KDM7A: variants seen among roughly 807,000 people sequenced by gnomAD.
The protein encoded by KDM7A is lysine-specific demethylase 7A.
Under a neutral mutation model 114.8 loss-of-function variants are expected in KDM7A, and 28 were observed. That is an observed-to-expected ratio of 0.24 (90% CI 0.18 to 0.33). The LOEUF (loss-of-function observed/expected upper bound fraction) is 0.33. Among genes scored for constraint, KDM7A ranks in the 10% least tolerant of loss-of-function variants. The pLI is 1.00. For synonymous variants in KDM7A, 423 were observed against 397.8 expected, an observed-to-expected ratio of 1.06 and a Z score of -0.75; for missense variants, 942 against 1,142.5, an observed-to-expected ratio of 0.82 and a Z score of 2.53.
rs571940242 is a variant in KDM7A, at chr7:140,122,923, T to C, written c.1051+1698A>G. Reference sequence around the variant, plus strand: ...GGATATTATCAAGAAAGTGAGCAGATAACCCACAAAATGGGAGCAAATTAT... The same window carrying C: ...GGATATTATCAAGAAAGTGAGCAGACAACCCACAAAATGGGAGCAAATTAT... On this transcript the variant is annotated intron_variant, in intron 7 of 19. Coordinates refer to ENST00000397560, the MANE Select transcript of KDM7A (RefSeq NM_030647.2). Among the ~76,000 whole-genome samples the C allele has an allele frequency of 2.0e-5, 3 of 152,332 alleles. No individual in the cohort carries two copies. In the South Asian group the frequency reaches 6.2e-4, roughly 32 times the overall value.
intron 9 of KDM7A, among the ~76,000 whole-genome samples, chr7:140,117,809 G>A (rs1818555997): frequency 6.6e-6 from 1 of 152,182 alleles, no homozygotes; most frequent in African/African-American, 2.4e-5. Flanking sequence ...AACACTGAAT[G>A]TGTCAGGGAT....
chr7:140,172,691 G>A (rs6946981), intron 1 of KDM7A, among the ~76,000 whole-genome samples: 1 of 151,584 alleles, frequency 6.6e-6, no homozygotes, highest in African/African-American at 2.4e-5. Flanking sequence ...ATAACAATAG[G>A]GTAATTATTT....
intron 1 of KDM7A, among the ~76,000 whole-genome samples, chr7:140,152,798 C>T (rs1794415698): frequency 6.6e-6 from 1 of 152,128 alleles, no homozygotes; most frequent in Non-Finnish European, 1.5e-5. Flanking sequence ...GGATTTTTAA[C>T]CTATTCACAT....
intron 1 of KDM7A, among the ~76,000 whole-genome samples, chr7:140,152,772 A>C (rs1284230522): frequency 6.6e-6 from 1 of 152,242 alleles, no homozygotes. Flanking sequence ...TATGTAAAGT[A>C]CATAAAGTGT....
chr7:140,175,762 C>T (rs912108297), intron 1 of KDM7A, among the ~76,000 whole-genome samples: 2 of 151,790 alleles, frequency 1.3e-5, no homozygotes, highest in Non-Finnish European at 2.9e-5. Flanking sequence ...GGGCAGCGTC[C>T]GCCGCCGCCG....
In KDM7A at chr7:140,099,895, A is replaced by G; in HGVS notation, c.1763+4T>C. 6.2e-7 allele frequency: 1 copy of G among 1,608,460 alleles called. No individual in the cohort carries two copies. The highest frequency in any genetic ancestry group is 8.5e-7 in the Non-Finnish European group (1 of 1,174,782). On this transcript the variant is annotated splice_donor_region_variant and intron_variant, in intron 13 of 19. Coordinates refer to ENST00000397560, the MANE Select transcript of KDM7A (RefSeq NM_030647.2). ...TATTTGATACTCTGATTTACTTTAC[A>G]TACTTAATTATTCTTCCATTTGTCA...
chr7:140,115,142 G>A (rs940430605), intron 9 of KDM7A, among the ~76,000 whole-genome samples: 22 of 151,280 alleles, frequency 1.5e-4, no homozygotes, highest in Admixed American at 8.5e-4. Context: ...GCCAGCCCCC[G>A]GCCAGCCAGC....
At chr7:140,113,436 G>C (rs1818465036) in intron 10 of KDM7A, 55 bp downstream of exon 10, 2 of 1,070,176 alleles carry the variant, frequency 1.9e-6, no homozygotes, top group Admixed American at 2.0e-5. Flanking sequence ...CAAGGACTCT[G>C]TTTTCCTAAT....
intron 6 of KDM7A, among the ~76,000 whole-genome samples, chr7:140,126,052 G>A (rs1818696481): frequency 6.6e-6 from 1 of 152,152 alleles, no homozygotes; most frequent in Admixed American, 6.5e-5. Flanking sequence ...CTACAGGAAT[G>A]AGCCACCATG....
intron 19 of KDM7A, 81 bp downstream of exon 19, chr7:140,091,723 G>T: frequency 6.8e-7 from 1 of 1,462,168 alleles, no homozygotes; most frequent in Non-Finnish European, 9.5e-7. Flanking sequence ...CAACTTGAGT[G>T]CAGAGACTAC....
rs543368859 is a variant in KDM7A at position 140,136,040 on chromosome 7, G to A, written c.281-2384C>T. Among the ~76,000 whole-genome samples the A allele has an allele frequency of 8.5e-5, 13 of 152,218 alleles. No individual in the cohort carries two copies. In the East Asian group the frequency reaches 1.7e-3, roughly 20 times the overall value. Reference sequence around the variant, plus strand: ...AGTGGCGCAATCACAGTTCACTGCAGCCTCAAGCTCCTGGGCTCAAGCAAT... The same window carrying A: ...AGTGGCGCAATCACAGTTCACTGCAACCTCAAGCTCCTGGGCTCAAGCAAT... On this transcript the variant is annotated intron_variant, in intron 2 of 19. Transcript: ENST00000397560.
chr7:140,143,171 C>A (rs1363131487), intron 1 of KDM7A, among the ~76,000 whole-genome samples: 1 of 147,230 alleles, frequency 6.8e-6, no homozygotes, highest in African/African-American at 2.5e-5. Flanking sequence ...CAGAGCAAGA[C>A]CCCGTCTCAA....
At chr7:140,131,192 A>G (rs900322995) in intron 3 of KDM7A, among the ~76,000 whole-genome samples, 1 of 152,066 alleles carries the variant, frequency 6.6e-6, no homozygotes, top group Non-Finnish European at 1.5e-5. Flanking sequence ...CTAGGTAGTA[A>G]CTTTAAGCCA....
intron 7 of KDM7A, among the ~76,000 whole-genome samples, chr7:140,122,323 T>TA: frequency 6.6e-6 from 1 of 152,330 alleles, no homozygotes; most frequent in East Asian, 1.9e-4. Context: ...TAAATCAATT[T>TA]AAAAAATTAT....
intron 9 of KDM7A, among the ~76,000 whole-genome samples, chr7:140,113,954 A>G (rs1818472448): frequency 6.6e-6 from 1 of 152,132 alleles, no homozygotes; most frequent in Non-Finnish European, 1.5e-5. Flanking sequence ...CCAGATTTTA[A>G]AATAAGTTAA....
At chr7:140,133,116 C>T (rs1192053841) in intron 3 of KDM7A, among the ~76,000 whole-genome samples, 1 of 152,090 alleles carries the variant, frequency 6.6e-6, no homozygotes, top group Non-Finnish European at 1.5e-5. Flanking sequence ...GGATGTAGGG[C>T]AGAGATGCAT....
At chr7:140,092,585 T>C (rs1398916781) in intron 18 of KDM7A, among the ~76,000 whole-genome samples, 2 of 152,180 alleles carry the variant, frequency 1.3e-5, no homozygotes, top group African/African-American at 2.4e-5. Flanking sequence ...CTCTTAAGAC[T>C]ATCGAGTAAA....
At chr7:140,157,281 CACT>C (rs1794467383) in intron 1 of KDM7A, among the ~76,000 whole-genome samples, 2 of 152,162 alleles carry the variant, frequency 1.3e-5, no homozygotes, top group Admixed American at 6.5e-5. Flanking sequence ...TTTGTCCCAC[CACT>C]GAGGGTAGCC....
In KDM7A at chr7:140,096,557, C is replaced by T; in HGVS notation, c.2372G>A (p.Cys791Tyr). ...QLYRYDKPVECGYHVKTEDPD... is the reference protein window; with the variant it reads ...QLYRYDKPVEYGYHVKTEDPD... ...GACTGATAATTTATGTTTCTTACCACATTCCACTGGTTTATCATAGCGATA... is the reference window on the plus strand; with the variant it reads ...GACTGATAATTTATGTTTCTTACCATATTCCACTGGTTTATCATAGCGATA... The change falls in exon 17 of 20, where the codon TGT becomes TAT. Residue 791 changes from cysteine (C) to tyrosine (Y), a missense_variant and splice_region_variant. By Grantham distance (194) the Cys-to-Tyr change is radical. This residue lies in a region of KDM7A where 512 missense variants were observed against 576.6 expected (regional missense o/e 0.89). Coordinates refer to ENST00000397560, the MANE Select transcript of KDM7A (RefSeq NM_030647.2). 3 of 1,611,672 alleles carry T rather than the reference C, an allele frequency of 1.9e-6. No homozygotes were observed. The highest frequency in any genetic ancestry group is 2.2e-5 in the South Asian group (2 of 91,018).
Sources: allele counts gnomAD v4.1 joint callset (sites outside exome capture counted in the v4.1 genomes callset), GRCh38; gene constraint gnomAD v4.1.1; regional missense constraint gnomAD v4.1.1; transcripts MANE v1.5; gene names NCBI Gene and HGNC (gene_info 2026-07-23, HGNC 2026-07-21).